TFG: variants seen among roughly 807,000 people sequenced by gnomAD.
TFG encodes protein TFG.
TFG carries 22 observed loss-of-function variants against 51.4 expected under a neutral mutation model. The observed-to-expected ratio is 0.43, with a 90% CI of 0.31 to 0.61. TFG has a LOEUF of 0.61. TFG is among the 20% of genes least tolerant of loss of function. The pLI is 0.12. For synonymous variants in TFG, 187 were observed against 165.6 expected, an observed-to-expected ratio of 1.13 and a Z score of -0.99; for missense variants, 419 against 487.7, an observed-to-expected ratio of 0.86 and a Z score of 1.33.
At chr3:100,713,536 G>A in intron 1 of TFG, 107 bp from the exon 2 acceptor site, 1 of 449,808 alleles carries the variant, frequency 2.2e-6, no homozygotes, top group Non-Finnish European at 3.9e-6. Context: ...GTAACATGGG[G>A]ATAATGAATC....
intron 5 of TFG, among the ~76,000 whole-genome samples, chr3:100,733,565 A>C (rs1354276408): frequency 6.6e-6 from 1 of 152,218 alleles, no homozygotes; most frequent in African/African-American, 2.4e-5. Context: ...AATATGTAAC[A>C]CTTGGACCCA....
intron 6 of TFG, among the ~76,000 whole-genome samples, chr3:100,740,531 C>T (rs13078643): frequency 0.26 from 38,749 of 151,954 alleles, 5,517 homozygotes; most frequent in East Asian, 0.51. Flanking sequence ...TACAGGTCAG[C>T]CCTATTCAGT....
At chr3:100,740,737 A>T (rs971891845) in intron 6 of TFG, among the ~76,000 whole-genome samples, 9 of 152,238 alleles carry the variant, frequency 5.9e-5, no homozygotes, top group African/African-American at 2.2e-4. Flanking sequence ...TAATTCCCAG[A>T]AGTCTTACCA....
Position 100,728,784 on chromosome 3 carries a change from A to G in TFG, c.341A>G (p.Asn114Ser), listed in dbSNP as rs752292956. The change falls in exon 4 of 8, where the codon AAT (asparagine) becomes AGT (serine). Residue 114 changes from asparagine to serine, a missense_variant. Transcript: ENST00000240851. ...YLRRELIELR[N>S]KVNRLLDSLE... The stretch of plus-strand genomic sequence containing the variant: ...CGTCGAGAACTGATAGAACTTCGAA[A>G]TAAAGTGAATCGTTTATTGGATAGC... 3.1e-6 allele frequency: 5 copies of G among 1,613,476 alleles called. No individual in the cohort carries two copies. Among genetic ancestry groups the G allele is most frequent in the Non-Finnish European group, 4.2e-6 (5 of 1,179,714 alleles).
chr3:100,747,776 G>A (rs1338319266), intron 7 of TFG, among the ~76,000 whole-genome samples: 1 of 152,140 alleles, frequency 6.6e-6, no homozygotes, highest in Non-Finnish European at 1.5e-5. Flanking sequence ...TCCGCAATGT[G>A]TTTTTATTTG....
In TFG at chr3:100,712,369, T is replaced by G. The variant is rs115588147; in HGVS notation, c.-43-1274T>G. On this transcript the variant is annotated intron_variant, in intron 1 of 7. Coordinates refer to ENST00000240851, the MANE Select transcript of TFG (RefSeq NM_006070.6). ...AGAATAATTGCAGAGAAGTGTGGTG[T>G]TAATGAAATAACAGATTTAAGAGGA... Among the ~76,000 whole-genome samples the G allele has an allele frequency of 9.1e-3, 1,387 of 152,268 alleles. 23 individuals carry two copies. Among genetic ancestry groups the G allele is most frequent in the African/African-American group, 0.033 (1,351 of 41,536 alleles).
At chr3:100,723,051 A>G (rs1288130454) in intron 3 of TFG, among the ~76,000 whole-genome samples, 1 of 152,224 alleles carries the variant, frequency 6.6e-6, no homozygotes, top group Non-Finnish European at 1.5e-5. Flanking sequence ...GGGATTGGGA[A>G]GCACCAATGA....
Position 100,748,573 on chromosome 3 carries a change from G to A in TFG, c.*42G>A, listed in dbSNP as rs775802926. 1.3e-6 allele frequency: 2 copies of A among 1,551,522 alleles called. No individual in the cohort carries two copies. The highest frequency in any genetic ancestry group is 1.7e-6 in the Non-Finnish European group (2 of 1,147,904). On this transcript the variant is annotated 3_prime_UTR_variant, in exon 8 of 8. Transcript: ENST00000240851. Reference sequence around the variant, plus strand: ...CAATTAATGTAGCTGCTAGCTATTGGCCTCCCAAAAGACTCCAGTACTATT... The same window carrying A: ...CAATTAATGTAGCTGCTAGCTATTGACCTCCCAAAAGACTCCAGTACTATT...
chr3:100,714,082 A>G (rs1409302522), intron 2 of TFG, among the ~76,000 whole-genome samples: 1 of 151,598 alleles, frequency 6.6e-6, no homozygotes, highest in Admixed American at 6.6e-5. Context: ...TAAGTATTGT[A>G]TGTGTTATTT....
At chr3:100,710,462 G>T (rs2095027459) in intron 1 of TFG, among the ~76,000 whole-genome samples, 1 of 152,210 alleles carries the variant, frequency 6.6e-6, no homozygotes, top group Non-Finnish European at 1.5e-5. Context: ...CTTTGAGGCA[G>T]GGTTTGAGGC....
At position 100,713,646 on chromosome 3, in the gene TFG, T is replaced by TTA. The variant is rs772205995; in HGVS notation, c.-39_-38insAT. ...TTATCAAAACCACTTTTATCAGTCT[T>TTA]TCTCTAGAGTTGTATATATAGAACA... On this transcript the variant is annotated 5_prime_UTR_variant, in exon 2 of 8. Coordinates refer to ENST00000240851, the MANE Select transcript of TFG (RefSeq NM_006070.6). 3 of 1,380,800 alleles carry TTA rather than the reference T, an allele frequency of 2.2e-6. No individual in the cohort carries two copies. In the Admixed American group the frequency reaches 7.3e-5, roughly 34 times the overall value. 85.5% of individuals were successfully genotyped at this position (1,380,800 alleles called of 1,614,324 possible). A position where few individuals can be genotyped will look rare whatever the true frequency, so the allele number is the denominator to read the frequency against.
intron 3 of TFG, among the ~76,000 whole-genome samples, chr3:100,728,053 T>TG (rs2095080798): frequency 6.6e-6 from 1 of 152,124 alleles, no homozygotes; most frequent in African/African-American, 2.4e-5. Flanking sequence ...AGGTTTTTCT[T>TG]GAACTCCTGG....
intron 3 of TFG, among the ~76,000 whole-genome samples, chr3:100,726,611 T>A: frequency 6.6e-6 from 1 of 152,186 alleles, no homozygotes; most frequent in East Asian, 1.9e-4. Flanking sequence ...GGAATGTAAA[T>A]GCAAGGTTCT....
intron 4 of TFG, among the ~76,000 whole-genome samples, chr3:100,730,157 A>G (rs2149080003): frequency 6.6e-6 from 1 of 152,310 alleles, no homozygotes; most frequent in African/African-American, 2.4e-5. Flanking sequence ...AGGGGATTTA[A>G]CCATCTGCAG....
At position 100,736,681 on chromosome 3, in the gene TFG, A is replaced by G. The variant is rs1211259109; in HGVS notation, c.686A>G (p.Tyr229Cys). The G allele has an allele frequency of 2.5e-6, 4 of 1,613,858 alleles. No homozygotes were observed. The highest frequency in any genetic ancestry group is 3.4e-6 in the Non-Finnish European group (4 of 1,179,960). The change falls in exon 6 of 8, where the codon TAT becomes TGT. Residue 229 changes from tyrosine (Y) to cysteine (C), a missense_variant. By Grantham distance (194) the Tyr-to-Cys change is radical. Around this residue, in one of 3 missense-constraint regions of TFG, gnomAD observed 391 missense variants for 434.4 expected, o/e 0.90. Coordinates refer to ENST00000240851, the MANE Select transcript of TFG (RefSeq NM_006070.6). ...GGCGTTCAGCCACAGCAGCCACCAT[A>G]TACAGGAGCTCAGACTCAAGCAGGT... ...PPGVQPQQPPYTGAQTQAGQI... is the reference protein window; with the variant it reads ...PPGVQPQQPPCTGAQTQAGQI...
At chr3:100,730,295 C>G (rs2095087939) in intron 4 of TFG, among the ~76,000 whole-genome samples, 1 of 152,106 alleles carries the variant, frequency 6.6e-6, no homozygotes, top group East Asian at 1.9e-4. Context: ...AAACTTTTTC[C>G]TCACCTCTTT....
intron 3 of TFG, among the ~76,000 whole-genome samples, chr3:100,725,622 C>CAAAAAAAAAAAAAAAAAA (rs763163559): frequency 3.6e-5 from 3 of 83,490 alleles, no homozygotes; most frequent in Non-Finnish European, 4.6e-5. Flanking sequence ...ACCAAAAATA[C>CAAAAAAAAAAAAAAAAAA]AAAAAAAAAA....
At chr3:100,732,865 C>T (rs538313618) in intron 5 of TFG, among the ~76,000 whole-genome samples, 193 bp downstream of exon 5, 24 of 152,216 alleles carry the variant, frequency 1.6e-4, no homozygotes, top group African/African-American at 5.5e-4. Context: ...AGATGATTTC[C>T]AGCACTTCAG....
chr3:100,725,628 A>G (rs1421385540), intron 3 of TFG, among the ~76,000 whole-genome samples: 2 of 133,274 alleles, frequency 1.5e-5, no homozygotes, highest in Non-Finnish European at 3.1e-5. Context: ...AATACAAAAA[A>G]AAAAAAAAAA....
Sources: gnomAD v4.1 joint callset for allele counts (sites outside exome capture counted in the v4.1 genomes callset) on GRCh38, gnomAD v4.1.1 for gene constraint, gnomAD v4.1.1 regional missense constraint, MANE v1.5 for transcripts, NCBI Gene and HGNC (gene_info 2026-07-23, HGNC 2026-07-21) for gene names.